The following VWA2 variants were observed in gnomAD, a reference collection of about 807,000 sequenced individuals.
VWA2 encodes the protein von Willebrand factor A domain containing 2.
In VWA2, 73 loss-of-function variants were observed where a neutral mutation model predicts 70.4. That is an observed-to-expected ratio of 1.04 (90% CI 0.86 to 1.26). VWA2 has a LOEUF of 1.26. Among genes scored for constraint, VWA2 ranks in the 50% most tolerant of loss-of-function variants. The probability of loss-of-function intolerance (pLI) is 0.00; values close to 1 mark genes in which losing one functional copy is unlikely to be tolerated. For missense variants in VWA2, 1,011 were observed against 998.5 expected (o/e 1.01, Z -0.17); for synonymous variants, 407 against 423.3 (o/e 0.96, Z 0.47).
rs1181374932 is a variant in VWA2, at chr10:114,293,423, C to T, written c.*2186C>T. ...ATTTAAACAGCAAACTGTGGGCTCTCGACTTACATAGTAAGGGCCTTTACT... is the reference window on the plus strand; with the variant it reads ...ATTTAAACAGCAAACTGTGGGCTCTTGACTTACATAGTAAGGGCCTTTACT... On this transcript the variant is annotated 3_prime_UTR_variant, in exon 14 of 14. Transcript: ENST00000392982. Among the ~76,000 whole-genome samples, 2 of 152,166 alleles carry T rather than the reference C, an allele frequency of 1.3e-5. No individual in the cohort carries two copies. The highest frequency in any genetic ancestry group is 3.8e-4 in the East Asian group (2 of 5,196).
chr10:114,259,441 C>A (rs1000230255), intron 4 of VWA2, among the ~76,000 whole-genome samples: 5 of 150,470 alleles, frequency 3.3e-5, no homozygotes, highest in African/African-American at 7.3e-5. Context: ...TTTTTTTATG[C>A]CATTAAGGTA....
chr10:114,290,648 G>A lies in VWA2; in HGVS notation c.2248+283G>A, dbSNP rs1433852221. ...AGCAAATAATACAACATGTGGTGTG[G>A]TAGACGGTGCTAAGCACCCCGGAGA... is the stretch of plus-strand genomic sequence containing the variant. On this transcript the variant is annotated intron_variant, in intron 13 of 13. Transcript: ENST00000392982. Among the ~76,000 whole-genome samples, 4 of 152,302 alleles carry A rather than the reference G, an allele frequency of 2.6e-5. No homozygotes were observed. In the East Asian group the frequency reaches 7.7e-4, roughly 29 times the overall value.
chr10:114,290,292 C>A lies in VWA2; in HGVS notation c.2175C>A (p.Gly725=). Residue 725 remains glycine, a synonymous_variant, in exon 13 of 14, where the codon GGC becomes GGA. Coordinates refer to ENST00000392982, the MANE Select transcript of VWA2 (RefSeq NM_001272046.2). ...LCKPSPCMNE[G]SCVLQNGSYR... ...AACCCAGCCCGTGCATGAATGAGGGCAGCTGCGTCCTGCAGAATGGGAGCT... is the reference window on the plus strand; with the variant it reads ...AACCCAGCCCGTGCATGAATGAGGGAAGCTGCGTCCTGCAGAATGGGAGCT... The A allele has an allele frequency of 6.4e-7, 1 of 1,550,558 alleles. No homozygotes were observed.
chr10:114,244,548 G>A (rs949855704), intron 1 of VWA2, among the ~76,000 whole-genome samples: 7 of 152,218 alleles, frequency 4.6e-5, no homozygotes, highest in African/African-American at 1.7e-4. Context: ...CATGAAGGGC[G>A]GAGCCTGTGT....
intron 6 of VWA2, among the ~76,000 whole-genome samples, chr10:114,274,660 T>C (rs1418308043): frequency 1.5e-5 from 2 of 137,920 alleles, no homozygotes; most frequent in African/African-American, 5.7e-5. Context: ...ACCTGGCTAC[T>C]TTTTTTTTTT....
rs554157722 is a variant in VWA2, at chr10:114,293,034, A to G, written c.*1797A>G. Among the ~76,000 whole-genome samples the G allele has an allele frequency of 1.8e-4, 27 of 152,318 alleles. No homozygotes were observed. The South Asian group carries it at 5.6e-3, about 32-fold the overall frequency. ...TTTTTCTTTATAAATATTGTAACAT[A>G]ATGTTTTATAGACAAACATTCAAGG... On this transcript the variant is annotated 3_prime_UTR_variant, in exon 14 of 14. Coordinates refer to ENST00000392982, the MANE Select transcript of VWA2 (RefSeq NM_001272046.2).
intron 5 of VWA2, among the ~76,000 whole-genome samples, chr10:114,262,714 C>CA (rs1459957534): frequency 6.6e-6 from 1 of 152,242 alleles, no homozygotes; most frequent in Non-Finnish European, 1.5e-5. Context: ...TAGTAACCCT[C>CA]ACTGACTTTT....
chr10:114,268,762 T>G (rs1403734620), intron 5 of VWA2, among the ~76,000 whole-genome samples: 1 of 151,766 alleles, frequency 6.6e-6, no homozygotes, highest in Non-Finnish European at 1.5e-5. Flanking sequence ...TGGCGCGATC[T>G]TGGCTCACTG....
rs761038837 is a variant in VWA2 at position 114,289,186 on chromosome 10, G to A, written c.1819G>A (p.Val607Met). The part of the protein sequence containing the change: ...AISQAPYLGG[V>M]GSAGTALLHI... ...TAGCCAGGCCCCCTACCTAGGTGGG[G>A]TGGGCTCAGCCGGCACCGCCCTGCT... The change falls in exon 12 of 14, where the codon GTG becomes ATG. Residue 607 changes from valine (V) to methionine (M), a missense_variant. Coordinates refer to ENST00000392982, the MANE Select transcript of VWA2 (RefSeq NM_001272046.2). The A allele has an allele frequency of 2.5e-6, 4 of 1,613,548 alleles. No individual in the cohort carries two copies. The highest frequency in any genetic ancestry group is 1.6e-4 in the Middle Eastern group (1 of 6,084).
At position 114,277,960 on chromosome 10, in the gene VWA2, G is replaced by T. The variant is rs367836452; in HGVS notation, c.613G>T (p.Val205Leu). Residue 205 changes from valine to leucine, a missense_variant, in exon 7 of 14, where the codon GTG (valine) becomes TTG (leucine). By Grantham distance (32) the Val-to-Leu change is conservative. Coordinates refer to ENST00000392982, the MANE Select transcript of VWA2 (RefSeq NM_001272046.2). Reference protein sequence around the residue: ...ALASEPRGQHVLLAEQVEDAT... With the variant: ...ALASEPRGQHLLLAEQVEDAT... ...GGCCAGCGAGCCTAGAGGGCAGCAC[G>T]TGCTGTTGGCTGAGCAGGTGGAGGA... is the stretch of plus-strand genomic sequence containing the variant. The T allele has an allele frequency of 2.4e-5, 38 of 1,612,630 alleles. No individual in the cohort carries two copies. The African/African-American group carries it at 4.8e-4, about 20-fold the overall frequency.
At chr10:114,272,427 A>T (rs1371355734) in intron 5 of VWA2, among the ~76,000 whole-genome samples, 1 of 152,228 alleles carries the variant, frequency 6.6e-6, no homozygotes, top group Admixed American at 6.5e-5. Flanking sequence ...GATGGGAGGC[A>T]GGTGTTAGAC....
Position 114,292,355 on chromosome 10 carries a change from G to A in VWA2, c.*1118G>A, listed in dbSNP as rs1011757386. ...TCTTTCCTTATTCTCCTTTTAGTGG[G>A]GCAAAGAGAAGTAAGATTCTTAAAC... On this transcript the variant is annotated 3_prime_UTR_variant, in exon 14 of 14. Transcript: ENST00000392982. Among the ~76,000 whole-genome samples the A allele has an allele frequency of 2.0e-5, 3 of 151,746 alleles. No individual in the cohort carries two copies. The highest frequency in any genetic ancestry group is 7.3e-5 in the African/African-American group (3 of 41,298).
chr10:114,277,779 C>A, intron 6 of VWA2, 135 bp from the exon 7 acceptor site: 1 of 1,162,620 alleles, frequency 8.6e-7, no homozygotes, highest in Non-Finnish European at 1.1e-6. Context: ...AACTGTTTTC[C>A]TCACCAGCTA....
At chr10:114,264,487 G>A (rs760486773) in intron 5 of VWA2, among the ~76,000 whole-genome samples, 11 of 151,540 alleles carry the variant, frequency 7.3e-5, no homozygotes, top group African/African-American at 1.5e-4. Context: ...GTGCTATCTC[G>A]GCTCAATGCA....
chr10:114,255,814 CAGAT>C (rs1244764031), intron 4 of VWA2, among the ~76,000 whole-genome samples: 5 of 151,646 alleles, frequency 3.3e-5, no homozygotes, highest in Non-Finnish European at 7.4e-5. Context: ...GCAAGGAACA[CAGAT>C]AGTTCCCAGA....
chr10:114,246,788 T>A, intron 1 of VWA2: 1 of 1,189,942 alleles, frequency 8.4e-7, no homozygotes, highest in Non-Finnish European at 1.3e-6. Context: ...CTACTAAAAT[T>A]TATTTTACCA....
chr10:114,245,563 C>A (rs367672084), intron 1 of VWA2, among the ~76,000 whole-genome samples: 2 of 152,032 alleles, frequency 1.3e-5, no homozygotes, highest in South Asian at 4.2e-4. Context: ...GACTCACAGG[C>A]GGCAGGTGGG....
At chr10:114,240,202 C>A (rs1448283923) in intron 1 of VWA2, among the ~76,000 whole-genome samples, 1 of 152,194 alleles carries the variant, frequency 6.6e-6, no homozygotes, top group Non-Finnish European at 1.5e-5. Flanking sequence ...CTGGTGACTT[C>A]CCCCACCTGG....
At chr10:114,248,903 C>A (rs2037134649) in intron 2 of VWA2, 138 bp downstream of exon 2, 1 of 831,806 alleles carries the variant, frequency 1.2e-6, no homozygotes. Flanking sequence ...CCTCCCTAGT[C>A]CAAGCCATGT....
Sources: allele counts gnomAD v4.1 joint callset (sites outside exome capture counted in the v4.1 genomes callset), GRCh38; gene constraint gnomAD v4.1.1; transcripts MANE v1.5; gene names NCBI Gene and HGNC (gene_info 2026-07-23, HGNC 2026-07-21).